Variants in CCDC77 observed in about 807,000 individuals in gnomAD.
CCDC77 encodes coiled-coil domain containing 77.
In CCDC77, 56 loss-of-function variants were observed where a neutral mutation model predicts 66.8. The observed-to-expected ratio is 0.84, with a 90% CI of 0.68 to 1.05. The LOEUF (loss-of-function observed/expected upper bound fraction) is 1.05. CCDC77 is among the 50% of genes least tolerant of loss of function. The pLI is 0.00. For missense variants in CCDC77, 570 were observed against 576.8 expected, an observed-to-expected ratio of 0.99 and a Z score of 0.12; for synonymous variants, 196 against 195.2, an observed-to-expected ratio of 1.00 and a Z score of -0.03.
chr12:398,923 T>C (rs1944862639), upstream of CCDC77, among the ~76,000 whole-genome samples: 1 of 151,854 alleles, frequency 6.6e-6, no homozygotes, highest in African/African-American at 2.4e-5. Context: ...GGCTAGTTTT[T>C]GTATTTTTTT....
At chr12:403,278 T>G (rs1944930162) in intron 1 of CCDC77, among the ~76,000 whole-genome samples, 1 of 152,176 alleles carries the variant, frequency 6.6e-6, no homozygotes, top group African/African-American at 2.4e-5. Context: ...AGTAAAATTG[T>G]CAATAATAAT....
At chr12:423,477 G>GTTTTTTTTTTTTTTTTTTTTTTTTT (rs1565572179) in intron 5 of CCDC77, among the ~76,000 whole-genome samples, 1 of 24,958 alleles carries the variant, frequency 4.0e-5, no homozygotes, top group African/African-American at 9.6e-5. Flanking sequence ...TGTGTTTTTT[G>GTTTTTTTTTTTTTTTTTTTTTTTTT]TGTTTTTTTT....
upstream of CCDC77, among the ~76,000 whole-genome samples, chr12:399,887 C>CTGTT (rs1473405084): frequency 6.6e-6 from 1 of 152,222 alleles, no homozygotes; most frequent in Non-Finnish European, 1.5e-5. Context: ...GAGAGTCAGT[C>CTGTT]TGTTCTTAGA....
At chr12:391,259 C>A (rs1944750584) in intron 1 of CCDC77, among the ~76,000 whole-genome samples, 1 of 152,148 alleles carries the variant, frequency 6.6e-6, no homozygotes, top group South Asian at 2.1e-4. Flanking sequence ...TGAGACCAGC[C>A]TGGCCAACAT....
At chr12:441,034 AGGT>A in intron 12 of CCDC77, 38 bp downstream of exon 12, 1 of 1,599,686 alleles carries the variant, frequency 6.3e-7, no homozygotes, top group Non-Finnish European at 8.5e-7. Flanking sequence ...GGGAGAGAAG[AGGT>A]GTAAGTGAGG....
In CCDC77 at chr12:442,053, T is replaced by C; in HGVS notation, c.*133T>C. 1.1e-6 allele frequency: 1 copy of C among 947,076 alleles called. No homozygotes were observed. The highest frequency in any genetic ancestry group is 1.6e-6 in the Non-Finnish European group (1 of 625,690). 58.7% of individuals were successfully genotyped at this position (947,076 alleles called of 1,614,324 possible). On this transcript the variant is annotated 3_prime_UTR_variant, in exon 13 of 13. Coordinates refer to ENST00000239830, the MANE Select transcript of CCDC77 (RefSeq NM_032358.4). The stretch of plus-strand genomic sequence containing the variant: ...GGTATTCATTATTGTAAAGACAGCT[T>C]GAAGAATCGGGGACCACTAGGAAAG...
intron 1 of CCDC77, among the ~76,000 whole-genome samples, chr12:393,688 C>T (rs1289769564): frequency 1.3e-5 from 2 of 152,120 alleles, no homozygotes; most frequent in Non-Finnish European, 2.9e-5. Flanking sequence ...CCCACCACCA[C>T]ACTCAGCTAA....
intron 4 of CCDC77, among the ~76,000 whole-genome samples, chr12:415,411 TTGA>T (rs71045056): frequency 0.63 from 66,054 of 104,220 alleles, 23,571 homozygotes; most frequent in Middle Eastern, 0.76. Flanking sequence ...ACATAATATG[TTGA>T]TATTATTAAC....
chr12:422,159 CTCTTCTGTGTGTGTGTGCTGGG>C (rs1565571506), intron 5 of CCDC77, among the ~76,000 whole-genome samples: 2 of 119,476 alleles, frequency 1.7e-5, no homozygotes, highest in African/African-American at 3.4e-5. Context: ...CATTACAGTG[CTCTTCTGTGTGTGTGTGCTGGG>C]AGTGAGAGGG....
chr12:415,034 A>G (rs1469528444), intron 4 of CCDC77, among the ~76,000 whole-genome samples: 3 of 152,026 alleles, frequency 2.0e-5, no homozygotes, highest in African/African-American at 7.2e-5. Context: ...ACAATGAATT[A>G]CAGGGTAATT....
chr12:422,578 T>C (rs971837801), intron 5 of CCDC77, among the ~76,000 whole-genome samples: 4 of 152,250 alleles, frequency 2.6e-5, no homozygotes, highest in African/African-American at 4.8e-5. Context: ...TTCATCCATG[T>C]TGTAGCATGT....
chr12:402,138 A>G (rs191050007), intron 1 of CCDC77, among the ~76,000 whole-genome samples: 2 of 152,364 alleles, frequency 1.3e-5, no homozygotes, highest in East Asian at 1.9e-4. Flanking sequence ...TAGACAAGCT[A>G]TAAGAATATA....
chr12:434,083 A>G (rs903267693), intron 9 of CCDC77, among the ~76,000 whole-genome samples: 1 of 152,180 alleles, frequency 6.6e-6, no homozygotes, highest in African/African-American at 2.4e-5. Context: ...ACAGTTTACA[A>G]ACTGTAAAGT....
Position 411,750 on chromosome 12 carries a change from A to C in CCDC77, c.42A>C (p.Arg14=), listed in dbSNP as rs1945115586. ...TATCATTTCTAATTTCACGTAGGCG[A>C]ACAGTTGTCTCCAAACGTGGTGTTG... ...TPTHTPVCRK[R]TVVSKRGVAV... The change falls in exon 4 of 13, where the codon CGA becomes CGC. Residue 14 remains arginine (R), a synonymous_variant. Coordinates refer to ENST00000239830, the MANE Select transcript of CCDC77 (RefSeq NM_032358.4). 1.9e-6 allele frequency: 3 copies of C among 1,612,166 alleles called. No homozygotes were observed. In the South Asian group the frequency reaches 3.3e-5, roughly 18 times the overall value.
intron 6 of CCDC77, among the ~76,000 whole-genome samples, chr12:430,376 T>G (rs969558256): frequency 6.6e-6 from 1 of 151,722 alleles, no homozygotes; most frequent in Non-Finnish European, 1.5e-5. Flanking sequence ...ACTGCAGCCT[T>G]AAGCTCCTAA....
chr12:437,619 T>C (rs532165576), intron 9 of CCDC77, among the ~76,000 whole-genome samples: 18 of 151,124 alleles, frequency 1.2e-4, no homozygotes, highest in African/African-American at 4.4e-4. Context: ...GCGAGAGGAG[T>C]GTATGAGCCC....
At chr12:434,493 C>T (rs1418309910) in intron 9 of CCDC77, among the ~76,000 whole-genome samples, 2 of 151,998 alleles carry the variant, frequency 1.3e-5, no homozygotes, top group African/African-American at 2.4e-5. Context: ...GCTGTGATTA[C>T]AGGCATGTGC....
At chr12:407,553 C>G (rs142856494) in intron 2 of CCDC77, among the ~76,000 whole-genome samples, 1,530 of 152,120 alleles carry the variant, frequency 0.01, 20 homozygotes, top group African/African-American at 0.034. Flanking sequence ...TGTGCACATG[C>G]TATTTAAAAC....
In CCDC77 at chr12:428,829, A is replaced by G. The variant is rs777436675; in HGVS notation, c.474A>G (p.Gly158=). The G allele has an allele frequency of 2.2e-5, 35 of 1,613,076 alleles. No individual in the cohort carries two copies. In the South Asian group the frequency reaches 3.6e-4, roughly 17 times the overall value. ...TGGCTCTTGTGGGAACAGATGCTGG[A>G]GAAGTGACCTATTTTTGTAAGGAGC... ...NLLALVGTDA[G]EVTYFCKEPP... is the part of the protein sequence containing the mutation. Residue 158 remains glycine, a synonymous_variant, in exon 6 of 13, where the codon GGA becomes GGG. Coordinates refer to ENST00000239830, the MANE Select transcript of CCDC77 (RefSeq NM_032358.4).
Sources: gnomAD v4.1 joint callset for allele counts (sites outside exome capture counted in the v4.1 genomes callset) on GRCh38, gnomAD v4.1.1 for gene constraint, MANE v1.5 for transcripts, NCBI Gene and HGNC (gene_info 2026-07-23, HGNC 2026-07-21) for gene names.